Variants in SPON1 observed in about 807,000 individuals in gnomAD.
The protein encoded by SPON1 is spondin-1.
A neutral mutation model predicts 111.7 loss-of-function variants in SPON1; 52 were observed. That is an observed-to-expected ratio of 0.47 (90% CI 0.37 to 0.59). The LOEUF is 0.59. SPON1 is among the 20% of genes least tolerant of loss of function. The pLI, the probability that SPON1 is intolerant of heterozygous loss-of-function variation, is 0.00. For missense variants in SPON1, 957 were observed against 1,068.5 expected (o/e 0.90, Z 1.46); for synonymous variants, 410 against 395.8 (o/e 1.04, Z -0.43).
In SPON1 at chr11:14,262,968, G is replaced by A. The variant is rs782559373; in HGVS notation, c.2253G>A (p.Gln751=). ...EQLKEESEGE[Q]FPGCRMRPWT... is the part of the protein sequence containing the mutation. ...TGAAGGAAGAGTCTGAAGGGGAGCA[G>A]TTCCCAGGTATGGCTCCCAAGTGTC... Residue 751 remains glutamine (Q), a synonymous_variant, in exon 15 of 16, where the codon CAG becomes CAA. Transcript: ENST00000576479. 8 of 1,612,210 alleles carry A rather than the reference G, an allele frequency of 5.0e-6. No homozygotes were observed. The South Asian group carries it at 7.7e-5, about 15-fold the overall frequency.
rs1847927110 is a variant in SPON1, at chr11:14,160,820, A to G, written c.825+25252A>G. 4.2e-5 allele frequency among the ~76,000 whole-genome samples: 2 copies of G among 47,922 alleles called. 1 individual carries two copies. The highest frequency in any genetic ancestry group is 7.1e-5 in the Non-Finnish European group (2 of 28,236). The allele number at this position is 47,922 out of a possible 152,430, so 31.4% of individuals were successfully genotyped here. ...TATATTTTTATATATATTTTTATAT[A>G]TATTTTATATATATTTATATATTTA... On this transcript the variant is annotated intron_variant, in intron 6 of 15. Coordinates refer to ENST00000576479, the MANE Select transcript of SPON1 (RefSeq NM_006108.4).
At chr11:14,158,381 C>T (rs1554930594) in intron 6 of SPON1, among the ~76,000 whole-genome samples, 1 of 152,168 alleles carries the variant, frequency 6.6e-6, no homozygotes, top group African/African-American at 2.4e-5. Flanking sequence ...AATTTCTACC[C>T]AGAGTTGCAA....
intron 2 of SPON1, among the ~76,000 whole-genome samples, chr11:13,994,228 C>A (rs1345881574): frequency 6.6e-6 from 1 of 152,140 alleles, no homozygotes; most frequent in Non-Finnish European, 1.5e-5. Context: ...TTACACTAAC[C>A]TAAGCTTAAT....
intron 5 of SPON1, among the ~76,000 whole-genome samples, chr11:14,100,981 A>ATC (rs1371492415): frequency 6.6e-6 from 1 of 151,554 alleles, no homozygotes; most frequent in Non-Finnish European, 1.5e-5. Flanking sequence ...AGGTGATCAA[A>ATC]TCTCTCTCTC....
intron 6 of SPON1, among the ~76,000 whole-genome samples, chr11:14,221,119 A>G (rs1030897791): frequency 6.6e-6 from 1 of 152,192 alleles, no homozygotes; most frequent in South Asian, 2.1e-4. Flanking sequence ...TCGTTCATTC[A>G]TTCAACCAGC....
intron 6 of SPON1, among the ~76,000 whole-genome samples, chr11:14,224,937 G>A (rs1201880855): frequency 2.0e-5 from 3 of 152,214 alleles, no homozygotes; most frequent in Non-Finnish European, 4.4e-5. Flanking sequence ...CGGGAGGCAG[G>A]AACTGATTTT....
intron 1 of SPON1, 83 bp from the exon 2 acceptor site, chr11:13,982,764 T>A: frequency 1.1e-6 from 1 of 927,152 alleles, no homozygotes; most frequent in Non-Finnish European, 1.7e-6. Context: ...GGGATATCGA[T>A]GGAGAACTCA....
At chr11:14,124,871 C>A (rs1354609627) in intron 5 of SPON1, among the ~76,000 whole-genome samples, 28 of 152,126 alleles carry the variant, frequency 1.8e-4, no homozygotes, top group Admixed American at 1.8e-3. Flanking sequence ...ATAATGTAAT[C>A]AATTTTATAA....
At chr11:14,052,691 C>T (rs1320579847) in intron 3 of SPON1, among the ~76,000 whole-genome samples, 2 of 152,184 alleles carry the variant, frequency 1.3e-5, no homozygotes, top group Non-Finnish European at 2.9e-5. Context: ...AGGTGGAATC[C>T]AGATGCCAGA....
At chr11:14,069,207 T>A (rs1848856065) in intron 3 of SPON1, among the ~76,000 whole-genome samples, 1 of 152,192 alleles carries the variant, frequency 6.6e-6, no homozygotes, top group Admixed American at 6.5e-5. Flanking sequence ...CTATCTCAGT[T>A]TTCTCATCTG....
chr11:13,967,539 G>A (rs75892182), intron 1 of SPON1, among the ~76,000 whole-genome samples: 10 of 142,118 alleles, frequency 7.0e-5, no homozygotes, highest in South Asian at 2.2e-4. Flanking sequence ...AACCCAGAAA[G>A]AAAAAAAAAA....
chr11:14,142,165 T>C (rs1219260008), intron 6 of SPON1, among the ~76,000 whole-genome samples: 1 of 152,222 alleles, frequency 6.6e-6, no homozygotes, highest in Admixed American at 6.5e-5. Flanking sequence ...AAGTGTAAAG[T>C]ACTTGGAGCA....
rs1461330261 is a variant in SPON1, at chr11:14,079,899, A to C, written c.554A>C (p.Asp185Ala). The C allele has an allele frequency of 6.2e-7, 1 of 1,613,968 alleles. No individual in the cohort carries two copies. Among genetic ancestry groups the C allele is most frequent in the Non-Finnish European group, 8.5e-7 (1 of 1,179,890 alleles). Residue 185 changes from aspartate (D) to alanine (A), a missense_variant and splice_region_variant, in exon 5 of 16, where the codon GAT becomes GCT. Physicochemically the swap from Asp to Ala is moderately radical, Grantham distance 126. Transcript: ENST00000576479. Reference protein sequence around the residue: ...GSLTKKLCEQDSTFDGVTDKP... With the variant: ...GSLTKKLCEQASTFDGVTDKP... ...TTGGTGACTTTTCTGACTGTTTCAG[A>C]TTCCACATTTGATGGGGTGACTGAC...
At chr11:14,219,736 G>T (rs1331107368) in intron 6 of SPON1, among the ~76,000 whole-genome samples, 1 of 152,144 alleles carries the variant, frequency 6.6e-6, no homozygotes, top group Non-Finnish European at 1.5e-5. Flanking sequence ...TTATCTGCAA[G>T]CCAGATCTAT....
At chr11:14,143,760 G>A (rs1033183312) in intron 6 of SPON1, among the ~76,000 whole-genome samples, 4 of 152,074 alleles carry the variant, frequency 2.6e-5, no homozygotes, top group African/African-American at 9.7e-5. Flanking sequence ...GAAGAGGGAA[G>A]ATCAGCAGAA....
At chr11:14,141,603 C>G (rs1395144966) in intron 6 of SPON1, among the ~76,000 whole-genome samples, 1 of 152,146 alleles carries the variant, frequency 6.6e-6, no homozygotes, top group Admixed American at 6.5e-5. Flanking sequence ...GATTATCACA[C>G]CGCCTGTGGC....
rs1011464747 is a variant in SPON1 at position 14,258,467 on chromosome 11, G to T, written c.1492+569G>T. On this transcript the variant is annotated intron_variant, in intron 11 of 15. Coordinates refer to ENST00000576479, the MANE Select transcript of SPON1 (RefSeq NM_006108.4). The stretch of plus-strand genomic sequence containing the variant: ...TCAAGATTGCACTAAGCTGATTGCT[G>T]TGCAAAGGTCAGCTATCTGCTTCCC... 2.0e-5 allele frequency among the ~76,000 whole-genome samples: 3 copies of T among 152,350 alleles called. No individual in the cohort carries two copies. In the East Asian group the frequency reaches 5.8e-4, roughly 29 times the overall value.
chr11:14,082,269 TTAGTAAATA>T (rs1424029231), intron 5 of SPON1, among the ~76,000 whole-genome samples: 3 of 152,316 alleles, frequency 2.0e-5, no homozygotes, highest in Non-Finnish European at 4.4e-5. Context: ...TGAGAGTTTC[TTAGTAAATA>T]TAGCAGACGT....
At chr11:14,128,626 G>A (rs1457359164) in intron 5 of SPON1, among the ~76,000 whole-genome samples, 1 of 152,202 alleles carries the variant, frequency 6.6e-6, no homozygotes, top group Non-Finnish European at 1.5e-5. Flanking sequence ...GAAGGATGAT[G>A]ACCCTCTTCT....
Sources: allele counts gnomAD v4.1 joint callset (sites outside exome capture counted in the v4.1 genomes callset), GRCh38; gene constraint gnomAD v4.1.1; transcripts MANE v1.5; gene names NCBI Gene and HGNC (gene_info 2026-07-23, HGNC 2026-07-21).